Variants in NUP62CL observed in about 807,000 individuals in gnomAD.
The protein encoded by NUP62CL is nucleoporin 62 C-terminal like, also known as nucleoporin-62 C-terminal-like protein.
A neutral mutation model predicts 15.3 loss-of-function variants in NUP62CL; 13 were observed. That is an observed-to-expected ratio of 0.85 (90% CI 0.55 to 1.35). NUP62CL has a LOEUF of 1.35. NUP62CL is among the 40% of genes most tolerant of loss of function. NUP62CL has a pLI of 0.00. For missense variants in NUP62CL, 123 were observed against 130.6 expected (o/e 0.94, Z 0.28); for synonymous variants, 54 against 49.2 (o/e 1.10, Z -0.41).
In NUP62CL at chrX:107,136,831, C is replaced by T. The variant is rs765844734; in HGVS notation, c.*42+10912G>A. On this transcript the variant is annotated intron_variant, in intron 8 of 8. Transcript: ENST00000372466. Reference sequence around the variant, plus strand: ...CCTGTAATCCCAGCACTTTGGGAGGCTGAGGTGGGTGGATCACCAGATGTC... The same window carrying T: ...CCTGTAATCCCAGCACTTTGGGAGGTTGAGGTGGGTGGATCACCAGATGTC... 4.5e-5 allele frequency among the ~76,000 whole-genome samples: 5 copies of T among 112,135 alleles called. No homozygotes were observed. In the South Asian group the frequency reaches 1.9e-3, roughly 42 times the overall value.
At chrX:107,157,725 G>A (rs1293189141) in intron 4 of NUP62CL, among the ~76,000 whole-genome samples, 1 of 109,517 alleles carries the variant, frequency 9.1e-6, no homozygotes, top group Non-Finnish European at 1.9e-5. Flanking sequence ...ATCAACTAAC[G>A]AGCAAAATCA....
intron 8 of NUP62CL, among the ~76,000 whole-genome samples, chrX:107,133,956 A>AACAAC (rs773347259): frequency 4.7e-4 from 53 of 111,908 alleles, no homozygotes; most frequent in Middle Eastern, 9.2e-3. Context: ...AACAAAACAA[A>AACAAC]ACAACATTAA....
intron 4 of NUP62CL, among the ~76,000 whole-genome samples, chrX:107,166,623 C>T (rs1926521846): frequency 8.9e-6 from 1 of 112,157 alleles, no homozygotes; most frequent in South Asian, 3.7e-4. Flanking sequence ...CATCAATGTT[C>T]ACACCAGCTT....
intron 1 of NUP62CL, among the ~76,000 whole-genome samples, chrX:107,205,079 A>G (rs1159420142): frequency 1.8e-5 from 2 of 111,059 alleles, no homozygotes; most frequent in Non-Finnish European, 3.8e-5. Flanking sequence ...TATTGCAAGT[A>G]GTAAGTGTTA....
intron 2 of NUP62CL, among the ~76,000 whole-genome samples, chrX:107,181,731 T>C (rs1234945387): frequency 8.9e-6 from 1 of 112,012 alleles, no homozygotes. Flanking sequence ...TTATAGGGTC[T>C]GAGCATTCAG....
chrX:107,190,559 C>A (rs996782508), intron 2 of NUP62CL, among the ~76,000 whole-genome samples: 52 of 111,438 alleles, frequency 4.7e-4, no homozygotes, highest in Non-Finnish European at 2.8e-4. Flanking sequence ...TTTAATTTCC[C>A]CTATATTCAT....
At chrX:107,183,663 C>T (rs571509752) in intron 2 of NUP62CL, among the ~76,000 whole-genome samples, 2 of 110,586 alleles carry the variant, frequency 1.8e-5, no homozygotes, top group African/African-American at 6.6e-5. Context: ...AAAGCCCTAA[C>T]AAAAAAGTCT....
At chrX:107,192,468 C>A (rs1188209523) in intron 2 of NUP62CL, among the ~76,000 whole-genome samples, 3 of 111,732 alleles carry the variant, frequency 2.7e-5, no homozygotes, top group Non-Finnish European at 3.8e-5. Context: ...CAGCCTCGAC[C>A]TCCCGGGCTC....
intron 8 of NUP62CL, among the ~76,000 whole-genome samples, chrX:107,146,269 G>A (rs1925880707): frequency 9.0e-6 from 1 of 111,562 alleles, no homozygotes; most frequent in African/African-American, 3.3e-5. Context: ...AAACTCAATG[G>A]TTTTAGCATT....
chrX:107,149,269 G>A (rs1207284154), intron 7 of NUP62CL, among the ~76,000 whole-genome samples: 8 of 112,082 alleles, frequency 7.1e-5, no homozygotes, highest in Non-Finnish European at 1.9e-5. Context: ...GTCTAAATCT[G>A]CATATATTTA....
In NUP62CL at chrX:107,146,292, T is replaced by C. The variant is rs145761748; in HGVS notation, c.*42+1451A>G. ...TGGTTTTAGCATTCATTGATGATCC[T>C]TGCCTGAATCAATGATTGTGCTGGG... On this transcript the variant is annotated intron_variant, in intron 8 of 8. Coordinates refer to ENST00000372466, the MANE Select transcript of NUP62CL (RefSeq NM_017681.3). Among the ~76,000 whole-genome samples, 775 of 112,005 alleles carry C rather than the reference T, an allele frequency of 6.9e-3. 7 individuals are homozygous for C. Among genetic ancestry groups the C allele is most frequent in the African/African-American group, 0.024 (742 of 30,920 alleles).
chrX:107,155,964 C>T (rs1331824527), intron 4 of NUP62CL, among the ~76,000 whole-genome samples: 4 of 112,394 alleles, frequency 3.6e-5, no homozygotes, highest in African/African-American at 9.7e-5. Context: ...ATTCCCTCAC[C>T]TGGGAAGCGC....
At chrX:107,203,861 G>A (rs183900997) in intron 1 of NUP62CL, among the ~76,000 whole-genome samples, 1 of 111,087 alleles carries the variant, frequency 9.0e-6, no homozygotes, top group Non-Finnish European at 1.9e-5. Flanking sequence ...TTTCAATGTT[G>A]CATTAATAAA....
At chrX:107,199,718 T>C (rs1927436507) in intron 1 of NUP62CL, among the ~76,000 whole-genome samples, 1 of 112,022 alleles carries the variant, frequency 8.9e-6, no homozygotes. Flanking sequence ...ATTAGTCATG[T>C]TATAAAACCA....
intron 1 of NUP62CL, among the ~76,000 whole-genome samples, chrX:107,204,793 A>ATTAC (rs1927601948): frequency 1.2e-5 from 1 of 82,814 alleles, no homozygotes; most frequent in African/African-American, 6.2e-5. Context: ...TTTTAAATAA[A>ATTAC]TTATTTAAAT....
At chrX:107,204,175 A>T (rs1017572299) in intron 1 of NUP62CL, among the ~76,000 whole-genome samples, 4 of 111,247 alleles carry the variant, frequency 3.6e-5, no homozygotes, top group African/African-American at 1.3e-4. Flanking sequence ...CAAGTTAGGG[A>T]AGCTCTCTTT....
intron 6 of NUP62CL, 41 bp downstream of exon 6, chrX:107,153,409 AAGAT>A (rs1770321640): frequency 1.8e-6 from 2 of 1,112,792 alleles, no homozygotes; most frequent in African/African-American, 3.7e-5. Flanking sequence ...ACTGAATAAA[AAGAT>A]AGGTCTTTAA....
chrX:107,152,031 A>AAT (rs754178158), intron 7 of NUP62CL, among the ~76,000 whole-genome samples: 6 of 70,119 alleles, frequency 8.6e-5, no homozygotes, highest in Middle Eastern at 6.8e-3. Flanking sequence ...CTTCATCTTG[A>AAT]ATATATATAT....
chrX:107,191,980 A>G (rs1254758304), intron 2 of NUP62CL, among the ~76,000 whole-genome samples: 3 of 112,040 alleles, frequency 2.7e-5, no homozygotes, highest in Non-Finnish European at 5.6e-5. Context: ...TTAGATAACT[A>G]TAACAGGATA....
Sources: gnomAD v4.1 joint callset for allele counts (sites outside exome capture counted in the v4.1 genomes callset) on GRCh38, gnomAD v4.1.1 for gene constraint, MANE v1.5 for transcripts, NCBI Gene and HGNC (gene_info 2026-07-23, HGNC 2026-07-21) for gene names.